Variants in KDM1B observed in about 807,000 individuals in gnomAD.
KDM1B encodes lysine-specific histone demethylase 2.
Under a neutral mutation model 107.4 loss-of-function variants are expected in KDM1B, and 63 were observed. That is an observed-to-expected ratio of 0.59 (90% CI 0.48 to 0.72). KDM1B has a LOEUF of 0.72. KDM1B is among the 30% of genes least tolerant of loss of function. The pLI, the probability that KDM1B is intolerant of heterozygous loss-of-function variation, is 0.00. For synonymous variants in KDM1B, 363 were observed against 363.9 expected, an observed-to-expected ratio of 1.00 and a Z score of 0.03; for missense variants, 749 against 1,020.8, an observed-to-expected ratio of 0.73 and a Z score of 3.63.
chr6:18,188,373 C>A (rs1787027092), intron 9 of KDM1B, among the ~76,000 whole-genome samples: 2 of 152,104 alleles, frequency 1.3e-5, no homozygotes, highest in Admixed American at 1.3e-4. Context: ...TTTGGAAAAC[C>A]TGCAACACTC....
At chr6:18,183,975 G>A (rs1561925053) in intron 7 of KDM1B, among the ~76,000 whole-genome samples, 1 of 151,966 alleles carries the variant, frequency 6.6e-6, no homozygotes. Flanking sequence ...TAACAATCTT[G>A]TTTATTTAGG....
intron 7 of KDM1B, among the ~76,000 whole-genome samples, chr6:18,182,463 CTGTT>C (rs1308784186): frequency 2.6e-5 from 4 of 152,044 alleles, no homozygotes; most frequent in African/African-American, 9.7e-5. Context: ...TTTGATTTTG[CTGTT>C]TCTCATTTAA....
At chr6:18,187,042 G>A (rs1485184833) in intron 8 of KDM1B, among the ~76,000 whole-genome samples, 2 of 145,304 alleles carry the variant, frequency 1.4e-5, no homozygotes, top group East Asian at 2.0e-4. Context: ...TTTTTTCCCC[G>A]AATTCCTGGA....
chr6:18,165,279 C>T (rs919212962), intron 5 of KDM1B, among the ~76,000 whole-genome samples: 2 of 151,536 alleles, frequency 1.3e-5, no homozygotes, highest in South Asian at 2.1e-4. Flanking sequence ...TACAGGCACC[C>T]GCTACCACAC....
intron 6 of KDM1B, among the ~76,000 whole-genome samples, chr6:18,169,577 A>AT (rs1785525013): frequency 6.6e-6 from 1 of 152,026 alleles, no homozygotes; most frequent in Non-Finnish European, 1.5e-5. Flanking sequence ...ATTTGCAAGT[A>AT]TTTTTTCCTA....
intron 6 of KDM1B, among the ~76,000 whole-genome samples, chr6:18,171,066 C>T (rs9477648): frequency 0.44 from 66,747 of 151,672 alleles, 15,035 homozygotes; most frequent in East Asian, 0.61. Flanking sequence ...GTGATCCGCC[C>T]GCCTTGGCCT....
intron 7 of KDM1B, among the ~76,000 whole-genome samples, chr6:18,171,699 G>C (rs1785674622): frequency 6.6e-6 from 1 of 152,154 alleles, no homozygotes; most frequent in South Asian, 2.1e-4. Flanking sequence ...GACATAGGCT[G>C]TCCAGGGTTG....
Position 18,187,945 on chromosome 6 carries a change from A to C in KDM1B, c.727A>C (p.Thr243Pro), listed in dbSNP as rs1389154675. The C allele has an allele frequency of 1.3e-6, 2 of 1,550,512 alleles. No individual in the cohort carries two copies. The highest frequency in any genetic ancestry group is 8.7e-7 in the Non-Finnish European group (1 of 1,146,994). ...CACCAGCACAAACCGCGCCGCTGCC[A>C]CTGGCAATGCCAGCCCTGGGAAGCT... ...SCTSTNRAAA[T>P]GNASPGKLEH... Residue 243 changes from threonine (T) to proline (P), a missense_variant, in exon 9 of 22, where the codon ACT becomes CCT. By Grantham distance (38) the Thr-to-Pro change is conservative. Transcript: ENST00000650836.
chr6:18,181,660 C>T (rs962928927), intron 7 of KDM1B, among the ~76,000 whole-genome samples: 1 of 152,084 alleles, frequency 6.6e-6, no homozygotes, highest in African/African-American at 2.4e-5. Flanking sequence ...GTGGGAGGAT[C>T]TCTTGAGCCC....
rs530573352 is a variant in KDM1B, at chr6:18,197,441, G to T, written c.1147-146G>T. On this transcript the variant is annotated intron_variant, in intron 11 of 21. Coordinates refer to ENST00000650836, the MANE Select transcript of KDM1B (RefSeq NM_001364614.2). This position sits in a 1 kb window ranked among gnomAD's most constrained non-coding sequence, Gnocchi z 4.5. ...AAAAGGGAAGGGAGTAATAAGACAAGTGCCACCACATTCTTTAGGAAAATA... is the reference window on the plus strand; with the variant it reads ...AAAAGGGAAGGGAGTAATAAGACAATTGCCACCACATTCTTTAGGAAAATA... 2 of 781,390 alleles carry T rather than the reference G, an allele frequency of 2.6e-6. No individual in the cohort carries two copies. Among genetic ancestry groups the T allele is most frequent in the South Asian group, 3.2e-5 (2 of 61,898 alleles). The allele number at this position is 781,390 out of a possible 1,614,324, so 48.4% of individuals were successfully genotyped here.
intron 10 of KDM1B, among the ~76,000 whole-genome samples, chr6:18,192,777 A>AT (rs555571613): frequency 0.1 from 14,633 of 145,048 alleles, 1,750 homozygotes; most frequent in African/African-American, 0.29. Flanking sequence ...CCTTGGATTC[A>AT]TTTTTTTTTT....
chr6:18,191,301 T>C lies in KDM1B; in HGVS notation c.889T>C (p.Phe297Leu). ...DVMELDELYE[F>L]PEYSRDPTMY... ...GATGGAACTGGATGAGCTCTATGAG[T>C]TTCCAGAGTATTCCCGAGACCCCAC... The change falls in exon 10 of 22, where the codon TTT becomes CTT. Residue 297 changes from phenylalanine (F) to leucine (L), a missense_variant. By Grantham distance (22) the Phe-to-Leu change is conservative. Coordinates refer to ENST00000650836, the MANE Select transcript of KDM1B (RefSeq NM_001364614.2). This position sits in a 1 kb window ranked among gnomAD's most constrained non-coding sequence, Gnocchi z 5.1. 1 of 1,550,802 alleles carries C rather than the reference T, an allele frequency of 6.4e-7. No homozygotes were observed. Among genetic ancestry groups the C allele is most frequent in the Non-Finnish European group, 8.7e-7 (1 of 1,147,038 alleles).
At chr6:18,220,899 C>T (rs973205312) in intron 21 of KDM1B, among the ~76,000 whole-genome samples, 1 of 151,948 alleles carries the variant, frequency 6.6e-6, no homozygotes, top group Non-Finnish European at 1.5e-5. Flanking sequence ...TGGTGTGTGC[C>T]ACTGTGCCCA....
Position 18,200,365 on chromosome 6 carries a change from C to G in KDM1B, c.1222-74C>G. On this transcript the variant is annotated intron_variant, in intron 12 of 21. Coordinates refer to ENST00000650836, the MANE Select transcript of KDM1B (RefSeq NM_001364614.2). This position sits in a 1 kb window ranked among gnomAD's most constrained non-coding sequence, Gnocchi z 4.3. Reference sequence around the variant, plus strand: ...ATAGAGGCTATTTAACAGTGTCCTTCTACATTTTTATAATACTGTGTCTGA... The same window carrying G: ...ATAGAGGCTATTTAACAGTGTCCTTGTACATTTTTATAATACTGTGTCTGA... 1 of 1,403,196 alleles carries G rather than the reference C, an allele frequency of 7.1e-7. No individual in the cohort carries two copies. The highest frequency in any genetic ancestry group is 9.7e-7 in the Non-Finnish European group (1 of 1,027,444). 86.9% of individuals were successfully genotyped at this position (1,403,196 alleles called of 1,614,324 possible).
chr6:18,169,843 T>G (rs1785541483), intron 6 of KDM1B, among the ~76,000 whole-genome samples: 1 of 152,212 alleles, frequency 6.6e-6, no homozygotes, highest in African/African-American at 2.4e-5. Context: ...CTTCATTCTT[T>G]TGCATATGGA....
At chr6:18,215,642 A>G (rs1029811752) in intron 20 of KDM1B, among the ~76,000 whole-genome samples, 3 of 152,140 alleles carry the variant, frequency 2.0e-5, no homozygotes, top group Non-Finnish European at 4.4e-5. Flanking sequence ...CCACATGGGA[A>G]TTTGAGGGAG....
intron 10 of KDM1B, among the ~76,000 whole-genome samples, chr6:18,195,123 A>G (rs911349642): frequency 6.6e-6 from 1 of 152,106 alleles, no homozygotes; most frequent in Non-Finnish European, 1.5e-5. Flanking sequence ...TCAGAACTTC[A>G]CTCACTTTTA....
At chr6:18,156,162 C>T (rs981033722) in intron 2 of KDM1B, among the ~76,000 whole-genome samples, 1 of 152,218 alleles carries the variant, frequency 6.6e-6, no homozygotes, top group African/African-American at 2.4e-5. Flanking sequence ...TCTGGCACAG[C>T]CACCACGCGT....
rs898120539 is a variant in KDM1B at position 18,217,729 on chromosome 6, A to G, written c.2233-4A>G. 5 of 1,610,584 alleles carry G rather than the reference A, an allele frequency of 3.1e-6. No individual in the cohort carries two copies. The highest frequency in any genetic ancestry group is 4.2e-6 in the Non-Finnish European group (5 of 1,178,754). Reference sequence around the variant, plus strand: ...ACTTCATAATTCCTTTCTATTGGACATAGGAGGTCCCAGATCCCACAAAGT... The same window carrying G: ...ACTTCATAATTCCTTTCTATTGGACGTAGGAGGTCCCAGATCCCACAAAGT... On this transcript the variant is annotated splice_polypyrimidine_tract_variant and splice_region_variant and intron_variant, in intron 20 of 21. Coordinates refer to ENST00000650836, the MANE Select transcript of KDM1B (RefSeq NM_001364614.2).
Sources: allele counts gnomAD v4.1 joint callset (sites outside exome capture counted in the v4.1 genomes callset), GRCh38; gene constraint gnomAD v4.1.1; non-coding constraint Gnocchi (gnomAD v3.1); transcripts MANE v1.5; gene names NCBI Gene and HGNC (gene_info 2026-07-23, HGNC 2026-07-21).